Variants in CEP128 observed in about 807,000 individuals in gnomAD.
CEP128 encodes centrosomal protein 128, also known as centrosomal protein 128kDa.
A neutral mutation model predicts 156.7 loss-of-function variants in CEP128; 132 were observed. The ratio of observed to expected loss-of-function variants is 0.84; its 90% CI spans 0.73 to 0.97. The LOEUF (loss-of-function observed/expected upper bound fraction) is 0.97. Among genes scored for constraint, CEP128 ranks in the 50% least tolerant of loss-of-function variants. CEP128 has a pLI of 0.00. For missense variants in CEP128, 1,252 were observed against 1,281.9 expected, an observed-to-expected ratio of 0.98 and a Z score of 0.36; for synonymous variants, 469 against 448.9, an observed-to-expected ratio of 1.04 and a Z score of -0.57.
upstream of CEP128, among the ~76,000 whole-genome samples, chr14:80,946,322 T>G (rs185181849): frequency 1.1e-4 from 7 of 66,288 alleles, no homozygotes; most frequent in South Asian, 6.6e-4. Context: ...TGCCTCATGA[T>G]GCATCATGAT....
At chr14:80,834,521 G>A (rs556478170) in intron 12 of CEP128, among the ~76,000 whole-genome samples, 1 of 152,216 alleles carries the variant, frequency 6.6e-6, no homozygotes, top group East Asian at 1.9e-4. Flanking sequence ...AATAATCTAA[G>A]TATTCTGTAA....
intron 19 of CEP128, among the ~76,000 whole-genome samples, chr14:80,711,836 A>C (rs1200422397): frequency 6.6e-6 from 1 of 152,056 alleles, no homozygotes; most frequent in African/African-American, 2.4e-5. Flanking sequence ...AAATATATAC[A>C]CCTACTATGT....
intron 12 of CEP128, among the ~76,000 whole-genome samples, chr14:80,832,309 A>G (rs562076146): frequency 2.1e-4 from 32 of 152,254 alleles, no homozygotes; most frequent in African/African-American, 7.7e-4. Context: ...AAAGTACTCT[A>G]TGGAGTCTAA....
intron 19 of CEP128, among the ~76,000 whole-genome samples, chr14:80,592,580 G>A (rs1340440370): frequency 1.3e-5 from 2 of 152,140 alleles, no homozygotes; most frequent in African/African-American, 2.4e-5. Context: ...ACAAAGAGGA[G>A]CTGGTACCAT....
At chr14:80,928,142 A>G (rs1885251878) in intron 2 of CEP128, among the ~76,000 whole-genome samples, 1 of 152,246 alleles carries the variant, frequency 6.6e-6, no homozygotes, top group South Asian at 2.1e-4. Flanking sequence ...TCCCTGTCCA[A>G]TCAAAAACAA....
At chr14:80,580,163 A>G (rs1891524976) in intron 20 of CEP128, among the ~76,000 whole-genome samples, 1 of 152,212 alleles carries the variant, frequency 6.6e-6, no homozygotes, top group South Asian at 2.1e-4. Flanking sequence ...AAAATTTCCT[A>G]TCAAAAGTAG....
At chr14:80,865,659 A>G (rs1887732576) in intron 8 of CEP128, among the ~76,000 whole-genome samples, 1 of 152,108 alleles carries the variant, frequency 6.6e-6, no homozygotes, top group Admixed American at 6.5e-5. Flanking sequence ...CACTTCCATT[A>G]TTAGATTGCA....
Position 80,887,372 on chromosome 14 carries a change from T to C in CEP128, c.645+8346A>G, listed in dbSNP as rs962492701. 1.2e-4 allele frequency among the ~76,000 whole-genome samples: 19 copies of C among 152,178 alleles called. No individual in the cohort carries two copies. The East Asian group carries it at 3.1e-3, about 25-fold the overall frequency. On this transcript the variant is annotated intron_variant, in intron 8 of 24. Coordinates refer to ENST00000555265, the MANE Select transcript of CEP128 (RefSeq NM_152446.5). ...ACTTATTATAAAATTGACCACATCA[T>C]AGGAAGTGAAACACTCCTCAGCAAA...
chr14:80,518,771 A>G (rs1888607474), intron 23 of CEP128, among the ~76,000 whole-genome samples: 1 of 152,210 alleles, frequency 6.6e-6, no homozygotes, highest in Non-Finnish European at 1.5e-5. Context: ...TAACTCTATT[A>G]TATCTTTAAG....
chr14:80,612,200 T>G (rs956033639), intron 19 of CEP128, among the ~76,000 whole-genome samples: 2 of 152,222 alleles, frequency 1.3e-5, no homozygotes, highest in African/African-American at 2.4e-5. Flanking sequence ...AACATGGTGT[T>G]TTTTTGTCAA....
chr14:80,938,231 T>C (rs574944746), intron 2 of CEP128, among the ~76,000 whole-genome samples: 88 of 147,886 alleles, frequency 6.0e-4, no homozygotes, highest in African/African-American at 2.0e-3. Context: ...CTGATCTTAA[T>C]ACACAGTGTT....
At chr14:80,811,707 G>A (rs915257263) in intron 13 of CEP128, among the ~76,000 whole-genome samples, 1 of 150,888 alleles carries the variant, frequency 6.6e-6, no homozygotes, top group East Asian at 1.9e-4. Flanking sequence ...GTGTGTGTTT[G>A]AGAGTGTGGG....
intron 16 of CEP128, among the ~76,000 whole-genome samples, chr14:80,769,547 G>A (rs1003651375): frequency 2.0e-5 from 3 of 151,910 alleles, no homozygotes; most frequent in Non-Finnish European, 4.4e-5. Flanking sequence ...GAGAATGATG[G>A]TTTCCAGCTT....
In CEP128 at chr14:80,626,357, G is replaced by A. The variant is rs367934751; in HGVS notation, c.2807-45934C>T. Among the ~76,000 whole-genome samples, 356 of 151,318 alleles carry A rather than the reference G, an allele frequency of 2.4e-3. 2 individuals carry two copies. Among genetic ancestry groups the A allele is most frequent in the African/African-American group, 7.9e-3 (325 of 41,188 alleles). ...CGGGCGCCTGTAGTCCCAGCTACTC[G>A]GGAGGCTGAGGCAGGAGAATGGCGT... On this transcript the variant is annotated intron_variant, in intron 19 of 24. Coordinates refer to ENST00000555265, the MANE Select transcript of CEP128 (RefSeq NM_152446.5).
intron 13 of CEP128, among the ~76,000 whole-genome samples, chr14:80,804,841 A>G (rs1213040328): frequency 1.3e-5 from 2 of 152,174 alleles, no homozygotes; most frequent in South Asian, 2.1e-4. Context: ...TATTGCATAT[A>G]ACATTACTGA....
intron 19 of CEP128, among the ~76,000 whole-genome samples, chr14:80,733,339 CGTGTGTGTGTGTGTGT>C (rs55964142): frequency 0.017 from 2,366 of 140,238 alleles, 76 homozygotes; most frequent in African/African-American, 0.06. Context: ...CCACATGGGT[CGTGTGTGTGTGTGTGT>C]GTGTGTGTGT....
intron 19 of CEP128, among the ~76,000 whole-genome samples, chr14:80,619,475 G>C (rs967566765): frequency 2.0e-5 from 3 of 151,500 alleles, no homozygotes; most frequent in Non-Finnish European, 2.9e-5. Context: ...CGAAGTGGGT[G>C]GATCACCTGA....
At chr14:80,823,608 A>G (rs1018118523) in intron 13 of CEP128, among the ~76,000 whole-genome samples, 10 of 126,008 alleles carry the variant, frequency 7.9e-5, no homozygotes, top group African/African-American at 2.4e-4. Context: ...TTGGCTTGGG[A>G]AAAAAAAAAA....
chr14:80,870,643 C>T (rs1374589285), intron 8 of CEP128, among the ~76,000 whole-genome samples: 2 of 152,056 alleles, frequency 1.3e-5, no homozygotes, highest in South Asian at 2.1e-4. Context: ...TAACATAGTA[C>T]TCAACAGTAA....
Sources: allele counts gnomAD v4.1 joint callset (sites outside exome capture counted in the v4.1 genomes callset), GRCh38; gene constraint gnomAD v4.1.1; transcripts MANE v1.5; gene names NCBI Gene and HGNC (gene_info 2026-07-23, HGNC 2026-07-21).